The following SIDT1 variants were observed in gnomAD, a reference collection of about 807,000 sequenced individuals.
The protein encoded by SIDT1 is SID1 transmembrane family member 1.
SIDT1 carries 101 observed loss-of-function variants against 107.5 expected under a neutral mutation model. The ratio of observed to expected loss-of-function variants is 0.94; its 90% CI spans 0.80 to 1.11. The LOEUF is 1.11. Among genes scored for constraint, SIDT1 ranks in the 50% least tolerant of loss-of-function variants. SIDT1 has a pLI of 0.00. For missense variants in SIDT1, 1,076 were observed against 1,058.2 expected (o/e 1.02, Z -0.23); for synonymous variants, 395 against 398.2 (o/e 0.99, Z 0.10).
At chr3:113,559,478 A>G (rs1181786509) in intron 1 of SIDT1, among the ~76,000 whole-genome samples, 3 of 148,902 alleles carry the variant, frequency 2.0e-5, no homozygotes, top group African/African-American at 4.9e-5. Flanking sequence ...TTTCACTCCC[A>G]TTGCCCAGGC....
intron 10 of SIDT1, among the ~76,000 whole-genome samples, chr3:113,593,324 A>G (rs1052644623): frequency 6.6e-6 from 1 of 152,134 alleles, no homozygotes; most frequent in African/African-American, 2.4e-5. Flanking sequence ...GTGAGCAAGT[A>G]TTACCACCTG....
intron 14 of SIDT1, 146 bp downstream of exon 14, chr3:113,605,122 C>CTTTTTTTTTTTTT: frequency 3.3e-6 from 1 of 306,996 alleles, no homozygotes; most frequent in Non-Finnish European, 5.4e-6. Flanking sequence ...CTATTGCTTC[C>CTTTTTTTTTTTTT]TCTTTTTTTT....
At chr3:113,603,616 C>T (rs2072967710) in intron 12 of SIDT1, among the ~76,000 whole-genome samples, 1 of 152,166 alleles carries the variant, frequency 6.6e-6, no homozygotes, top group South Asian at 2.1e-4. Flanking sequence ...AAGAACCACA[C>T]AGTGGACAGC....
chr3:113,581,465 G>A, intron 6 of SIDT1, 21 bp downstream of exon 6: 2 of 1,587,854 alleles, frequency 1.3e-6, no homozygotes, highest in African/African-American at 2.7e-5. Flanking sequence ...GCTTCTGTGG[G>A]CATTATTGCC....
intron 3 of SIDT1, among the ~76,000 whole-genome samples, chr3:113,571,017 T>C (rs909432876): frequency 2.6e-5 from 4 of 152,250 alleles, no homozygotes; most frequent in Non-Finnish European, 5.9e-5. Flanking sequence ...CTCCCAGTTC[T>C]GCGCTCTTCT....
chr3:113,624,987 C>T lies in SIDT1; in HGVS notation c.2308-1115C>T, dbSNP rs140563429. Reference sequence around the variant, plus strand: ...TACCTCTGTTGATGGGCACTTAGATCGATTCCATATTTTGCCTATTGTGAA... The same window carrying T: ...TACCTCTGTTGATGGGCACTTAGATTGATTCCATATTTTGCCTATTGTGAA... On this transcript the variant is annotated intron_variant, in intron 23 of 24. Transcript: ENST00000264852. 2.8e-3 allele frequency among the ~76,000 whole-genome samples: 431 copies of T among 152,198 alleles called. 7 individuals are homozygous for T. Among genetic ancestry groups the T allele is most frequent in the African/African-American group, 9.8e-3 (408 of 41,508 alleles).
At chr3:113,597,316 G>T (rs1194147516) in intron 10 of SIDT1, among the ~76,000 whole-genome samples, 1 of 151,940 alleles carries the variant, frequency 6.6e-6, no homozygotes, top group Non-Finnish European at 1.5e-5. Flanking sequence ...GGCCAACATT[G>T]TGAAACCCTG....
At position 113,533,667 on chromosome 3, in the gene SIDT1, T is replaced by C. The variant is rs1236628047; in HGVS notation, c.222+424T>C. Among the ~76,000 whole-genome samples the C allele has an allele frequency of 9.2e-5, 14 of 152,188 alleles. 1 individual carries two copies. In the South Asian group the frequency reaches 2.7e-3, roughly 29 times the overall value. ...TGGCTGATTCAGCCAGACCCTTCTA[T>C]TTCATAGCGCATGGGGAGGGAGAAC... On this transcript the variant is annotated intron_variant, in intron 1 of 24. Coordinates refer to ENST00000264852, the MANE Select transcript of SIDT1 (RefSeq NM_017699.3).
At chr3:113,608,558 T>C (rs1945510119) in intron 17 of SIDT1, 22 bp downstream of exon 17, 2 of 1,493,676 alleles carry the variant, frequency 1.3e-6, no homozygotes, top group Admixed American at 1.7e-5. Context: ...TTATATCTAC[T>C]ATACAGATTT....
intron 19 of SIDT1, among the ~76,000 whole-genome samples, chr3:113,612,552 T>A (rs1945831941): frequency 6.6e-6 from 1 of 152,194 alleles, no homozygotes; most frequent in African/African-American, 2.4e-5. Context: ...CATTTTTCAG[T>A]TTGCAGCATT....
chr3:113,562,622 G>A (rs1275785717), intron 1 of SIDT1, among the ~76,000 whole-genome samples: 2 of 152,164 alleles, frequency 1.3e-5, no homozygotes, highest in Non-Finnish European at 2.9e-5. Flanking sequence ...GATAGAGAAG[G>A]ATACATTATT....
intron 6 of SIDT1, among the ~76,000 whole-genome samples, chr3:113,582,951 A>G (rs969248837): frequency 1.3e-5 from 2 of 152,192 alleles, no homozygotes; most frequent in African/African-American, 2.4e-5. Context: ...AGAGAAACAT[A>G]CTTAGAGTAA....
intron 20 of SIDT1, among the ~76,000 whole-genome samples, chr3:113,619,374 G>A (rs965898620): frequency 3.3e-5 from 5 of 152,312 alleles, no homozygotes; most frequent in South Asian, 2.1e-4. Context: ...CATACCACCA[G>A]CCTCTCCACT....
At chr3:113,583,585 C>A in intron 7 of SIDT1, 89 bp downstream of exon 7, 1 of 907,862 alleles carries the variant, frequency 1.1e-6, no homozygotes, top group Non-Finnish European at 1.7e-6. Context: ...CTAGTTCCCA[C>A]TAAACAAGGG....
intron 9 of SIDT1, among the ~76,000 whole-genome samples, chr3:113,590,564 G>C (rs767133457): frequency 6.6e-6 from 1 of 151,954 alleles, no homozygotes; most frequent in Admixed American, 6.6e-5. Context: ...CCATCACTAC[G>C]ATCTAATTCA....
chr3:113,559,435 A>AT (rs57171720), intron 1 of SIDT1, among the ~76,000 whole-genome samples: 1,789 of 143,058 alleles, frequency 0.013, 32 homozygotes, highest in African/African-American at 0.038. Context: ...CTTTTTATTT[A>AT]TTTTTTTTTT....
chr3:113,630,157 C>T (rs570433705), downstream of SIDT1, among the ~76,000 whole-genome samples: 3 of 152,176 alleles, frequency 2.0e-5, no homozygotes, highest in African/African-American at 7.2e-5. Flanking sequence ...TCAACAGGAG[C>T]GTAACCGGAG....
At chr3:113,554,417 G>A (rs543512087) in intron 1 of SIDT1, among the ~76,000 whole-genome samples, 5 of 152,206 alleles carry the variant, frequency 3.3e-5, no homozygotes, top group South Asian at 4.1e-4. Flanking sequence ...GGAGGGGACC[G>A]ATGGGAGGTA....
chr3:113,594,158 T>C (rs192252215), intron 10 of SIDT1, among the ~76,000 whole-genome samples: 21 of 152,292 alleles, frequency 1.4e-4, no homozygotes, highest in African/African-American at 5.1e-4. Context: ...TCCAGCAGGA[T>C]CATTGCTCCC....
Sources: gnomAD v4.1 joint callset for allele counts (sites outside exome capture counted in the v4.1 genomes callset) on GRCh38, gnomAD v4.1.1 for gene constraint, MANE v1.5 for transcripts, NCBI Gene and HGNC (gene_info 2026-07-23, HGNC 2026-07-21) for gene names.